Variants in PLCB1 observed in about 807,000 individuals in gnomAD.
PLCB1 encodes the protein phospholipase C beta 1.
A neutral mutation model predicts 161.8 loss-of-function variants in PLCB1; 46 were observed. The observed-to-expected ratio is 0.28, with a 90% CI of 0.22 to 0.36. The LOEUF is 0.36. Ranked by LOEUF, PLCB1 falls within the 10% of genes least tolerant of loss-of-function variation. The pLI, the probability that PLCB1 is intolerant of heterozygous loss-of-function variation, is 1.00. For missense variants in PLCB1, 1,016 were observed against 1,472.5 expected (o/e 0.69, Z 5.07); for synonymous variants, 517 against 503.7 (o/e 1.03, Z -0.35).
At chr20:8,562,041 A>G (rs1035595026) in intron 3 of PLCB1, among the ~76,000 whole-genome samples, 12 of 152,002 alleles carry the variant, frequency 7.9e-5, no homozygotes, top group African/African-American at 2.9e-4. Flanking sequence ...GAGTAAAAAA[A>G]GATAGAGAAG....
intron 31 of PLCB1, among the ~76,000 whole-genome samples, chr20:8,845,715 A>T (rs1175260640): frequency 6.6e-6 from 1 of 152,212 alleles, no homozygotes; most frequent in Non-Finnish European, 1.5e-5. Flanking sequence ...AGATTTTAGC[A>T]TATCCCTCTC....
intron 27 of PLCB1, among the ~76,000 whole-genome samples, chr20:8,776,388 G>A (rs896013732): frequency 4.8e-5 from 7 of 144,592 alleles, no homozygotes; most frequent in Non-Finnish European, 7.7e-5. Flanking sequence ...TAGATGCCTC[G>A]GCTAATTCAG....
intron 3 of PLCB1, among the ~76,000 whole-genome samples, chr20:8,374,069 G>C (rs75755785): frequency 0.026 from 3,948 of 152,152 alleles, 166 homozygotes; most frequent in African/African-American, 0.089. Flanking sequence ...GGTTCTGGTA[G>C]GGGTTCTGAT....
chr20:8,428,273 T>A (rs1479412345), intron 3 of PLCB1, among the ~76,000 whole-genome samples: 1 of 152,160 alleles, frequency 6.6e-6, no homozygotes, highest in African/African-American at 2.4e-5. Context: ...CAGGCTGGAA[T>A]CCAGTGGTGC....
At chr20:8,224,651 G>A (rs908082100) in intron 2 of PLCB1, among the ~76,000 whole-genome samples, 6 of 152,052 alleles carry the variant, frequency 3.9e-5, no homozygotes, top group African/African-American at 1.4e-4. Context: ...ACAGAAAAGT[G>A]AACAAATCAT....
intron 3 of PLCB1, among the ~76,000 whole-genome samples, chr20:8,591,822 T>G (rs2123110698): frequency 6.6e-6 from 1 of 152,308 alleles, no homozygotes; most frequent in Non-Finnish European, 1.5e-5. Context: ...AGAAACATAT[T>G]TCATTACATG....
chr20:8,177,213 G>C (rs2051792645), intron 2 of PLCB1, among the ~76,000 whole-genome samples: 1 of 152,134 alleles, frequency 6.6e-6, no homozygotes, highest in African/African-American at 2.4e-5. Flanking sequence ...CTGCCCTCAT[G>C]AATGGGATTT....
intron 31 of PLCB1, among the ~76,000 whole-genome samples, chr20:8,805,199 T>G (rs1057305593): frequency 2.0e-5 from 3 of 152,168 alleles, no homozygotes; most frequent in African/African-American, 7.2e-5. Context: ...TGTTATCAGC[T>G]AGACCTTAAT....
chr20:8,227,102 C>G (rs999799274), intron 2 of PLCB1, among the ~76,000 whole-genome samples: 1 of 152,038 alleles, frequency 6.6e-6, no homozygotes, highest in Non-Finnish European at 1.5e-5. Context: ...TCCTTGTCTT[C>G]TTTTTTTGGG....
intron 31 of PLCB1, among the ~76,000 whole-genome samples, chr20:8,850,309 T>C (rs758531589): frequency 3.9e-5 from 6 of 152,184 alleles, no homozygotes; most frequent in Non-Finnish European, 7.3e-5. Flanking sequence ...TGTTCATGCA[T>C]GTAAGACGCT....
rs190225455 is a variant in PLCB1 at position 8,695,990 on chromosome 20, T to C, written c.1010-1636T>C. On this transcript the variant is annotated intron_variant, in intron 10 of 31. Coordinates refer to ENST00000338037, the MANE Select transcript of PLCB1 (RefSeq NM_015192.4). ...TCATCACTTTAGTAGGGTATGTTAG[T>C]TCTATTCACAGAAGTCCCATTCTGG... Among the ~76,000 whole-genome samples, 635 of 152,290 alleles carry C rather than the reference T, an allele frequency of 4.2e-3. 6 individuals carry two copies. The highest frequency in any genetic ancestry group is 0.015 in the African/African-American group (613 of 41,554).
At chr20:8,474,623 G>A (rs1269377477) in intron 3 of PLCB1, among the ~76,000 whole-genome samples, 1 of 152,074 alleles carries the variant, frequency 6.6e-6, no homozygotes, top group Non-Finnish European at 1.5e-5. Flanking sequence ...GAGCCATAAA[G>A]CCACTCGATT....
chr20:8,342,146 G>T (rs1985831800), intron 2 of PLCB1, among the ~76,000 whole-genome samples: 1 of 152,206 alleles, frequency 6.6e-6, no homozygotes, highest in African/African-American at 2.4e-5. Flanking sequence ...GTTTGGCTTT[G>T]TGATGGCTCA....
intron 3 of PLCB1, among the ~76,000 whole-genome samples, chr20:8,566,780 T>TGA (rs1471742510): frequency 6.6e-6 from 1 of 151,840 alleles, no homozygotes; most frequent in Admixed American, 6.6e-5. Context: ...TTACTTAGCT[T>TGA]GAGCTATCTT....
intron 3 of PLCB1, among the ~76,000 whole-genome samples, chr20:8,400,964 T>C (rs1230509243): frequency 6.6e-6 from 1 of 152,218 alleles, no homozygotes. Flanking sequence ...GCCAAATGGC[T>C]CAGCGAAGAG....
chr20:8,437,280 A>T (rs1324683403), intron 3 of PLCB1, among the ~76,000 whole-genome samples: 2 of 152,226 alleles, frequency 1.3e-5, no homozygotes, highest in Non-Finnish European at 2.9e-5. Flanking sequence ...CAGGAAACCA[A>T]CTTAGAGTCA....
At chr20:8,191,954 A>G (rs188617350) in intron 2 of PLCB1, among the ~76,000 whole-genome samples, 33 of 152,150 alleles carry the variant, frequency 2.2e-4, no homozygotes, top group Non-Finnish European at 1.5e-4. Context: ...GTTGACTTCA[A>G]TATTCAGCCA....
intron 3 of PLCB1, among the ~76,000 whole-genome samples, chr20:8,504,476 T>C (rs1376242883): frequency 6.6e-6 from 1 of 152,208 alleles, no homozygotes; most frequent in East Asian, 1.9e-4. Flanking sequence ...TGGAATTCCT[T>C]TTAATTTTTC....
At chr20:8,289,085 A>T (rs573543538) in intron 2 of PLCB1, among the ~76,000 whole-genome samples, 1 of 152,274 alleles carries the variant, frequency 6.6e-6, no homozygotes, top group South Asian at 2.1e-4. Flanking sequence ...TCAGTGTCCC[A>T]TCCAGATCAC....
Sources: allele counts gnomAD v4.1 joint callset (sites outside exome capture counted in the v4.1 genomes callset), GRCh38; gene constraint gnomAD v4.1.1; transcripts MANE v1.5; gene names NCBI Gene and HGNC (gene_info 2026-07-23, HGNC 2026-07-21).